SP140: variants seen among roughly 807,000 people sequenced by gnomAD.
SP140 encodes SP140 nuclear body protein, also known as nuclear body protein SP140.
A neutral mutation model predicts 125.0 loss-of-function variants in SP140; 81 were observed. That is an observed-to-expected ratio of 0.65 (90% CI 0.54 to 0.78). The LOEUF (loss-of-function observed/expected upper bound fraction) is 0.78, where lower values mean the gene tolerates loss of function less well. SP140 is among the 30% of genes least tolerant of loss of function. The probability of loss-of-function intolerance (pLI) is 0.00; values close to 1 mark genes in which losing one functional copy is unlikely to be tolerated. For missense variants in SP140, 858 were observed against 1,037.0 expected, an observed-to-expected ratio of 0.83 and a Z score of 2.37; for synonymous variants, 312 against 354.0, an observed-to-expected ratio of 0.88 and a Z score of 1.33.
chr2:230,189,703 A>T, the SP140 span, among the ~76,000 whole-genome samples: 1 of 151,494 alleles, frequency 6.6e-6, no homozygotes, highest in Non-Finnish European at 1.5e-5. Context: ...CACCACCCAC[A>T]CCCCAACAGG....
chr2:230,246,791 A>T (rs1267022110), intron 7 of SP140, among the ~76,000 whole-genome samples: 2 of 152,214 alleles, frequency 1.3e-5, no homozygotes, highest in Non-Finnish European at 2.9e-5. Flanking sequence ...CACAGGAATT[A>T]AAAGGTGGAG....
chr2:230,302,574 C>G lies in SP140; in HGVS notation c.2058+5112C>G, dbSNP rs115768168. 7.5e-3 allele frequency among the ~76,000 whole-genome samples: 1,135 copies of G among 152,326 alleles called. 12 individuals are homozygous for G. Among genetic ancestry groups the G allele is most frequent in the Middle Eastern group, 0.017 (5 of 294 alleles). On this transcript the variant is annotated intron_variant, in intron 22 of 26. Transcript: ENST00000392045. ...GAACAAATGGACTTAACAGATATTA[C>G]AGAACATTCTACCCAACAACTGCAG...
chr2:230,279,787 T>G (rs1360596564), intron 15 of SP140, among the ~76,000 whole-genome samples: 1 of 152,140 alleles, frequency 6.6e-6, no homozygotes, highest in African/African-American at 2.4e-5. Flanking sequence ...TGATCTGTTT[T>G]TTGCTAGTTT....
At chr2:230,190,185 T>C in the SP140 span, among the ~76,000 whole-genome samples, 1 of 152,244 alleles carries the variant, frequency 6.6e-6, no homozygotes, top group Admixed American at 6.5e-5. Flanking sequence ...GTAAAAGTAT[T>C]CCTATTTCTC....
intron 19 of SP140, among the ~76,000 whole-genome samples, chr2:230,291,891 A>G (rs1309146228): frequency 6.6e-6 from 1 of 152,148 alleles, no homozygotes; most frequent in Non-Finnish European, 1.5e-5. Context: ...GAAGGCTCCA[A>G]TTTCTCTACA....
intron 12 of SP140, among the ~76,000 whole-genome samples, chr2:230,258,898 C>CTT (rs1169674950): frequency 1.4e-5 from 2 of 147,526 alleles, no homozygotes; most frequent in African/African-American, 2.5e-5. Flanking sequence ...GCAAGCTGCA[C>CTT]TTTTTTTTTT....
chr2:230,309,012 G>T (rs865807849), intron 22 of SP140, among the ~76,000 whole-genome samples: 1 of 152,144 alleles, frequency 6.6e-6, no homozygotes, highest in African/African-American at 2.4e-5. Context: ...AATTCTGTTG[G>T]TTTTTAATGA....
At chr2:230,207,935 C>T (rs1336651144) in intron 1 of SP140, 1 of 847,026 alleles carries the variant, frequency 1.2e-6, no homozygotes, top group Admixed American at 1.9e-5. Flanking sequence ...GCTTGACCTA[C>T]AAGCCCTGCA....
chr2:230,239,061 G>C (rs1409793052), intron 3 of SP140: 2 of 1,397,442 alleles, frequency 1.4e-6, no homozygotes, highest in Admixed American at 6.0e-5. Flanking sequence ...AGGAATAAAG[G>C]GCATTTAAAC....
chr2:230,305,685 C>T (rs2033158), intron 22 of SP140, among the ~76,000 whole-genome samples: 2,854 of 152,308 alleles, frequency 0.019, 78 homozygotes, highest in African/African-American at 0.064. Context: ...GGCCCGAACG[C>T]GGAGCAGTGG....
chr2:230,294,871 G>T (rs1024239294), intron 21 of SP140, among the ~76,000 whole-genome samples: 7 of 152,146 alleles, frequency 4.6e-5, no homozygotes, highest in African/African-American at 1.7e-4. Flanking sequence ...CCAAAAAAAT[G>T]TACACACAGA....
Position 230,243,730 on chromosome 2 carries a change from G to A in SP140, c.491-1G>A. On this transcript the variant is annotated splice_acceptor_variant, in intron 4 of 26. Transcript: ENST00000392045. LOFTEE classifies it high-confidence loss of function. The stretch of plus-strand genomic sequence containing the variant: ...CTAAGGGATTTCATTCCTTTCGGCA[G>A]AGAACAGCAATGCCTGTCATGAAAT... 3.7e-6 allele frequency: 6 copies of A among 1,610,554 alleles called. No individual in the cohort carries two copies. The highest frequency in any genetic ancestry group is 5.1e-6 in the Non-Finnish European group (6 of 1,177,332).
At chr2:230,259,454 G>T (rs898867308) in intron 12 of SP140, among the ~76,000 whole-genome samples, 4 of 151,808 alleles carry the variant, frequency 2.6e-5, no homozygotes, top group Admixed American at 6.6e-5. Flanking sequence ...GAGATGGATG[G>T]ATCACCTGAG....
At chr2:230,193,159 T>C in the SP140 span, among the ~76,000 whole-genome samples, 2 of 152,186 alleles carry the variant, frequency 1.3e-5, no homozygotes, top group Non-Finnish European at 2.9e-5. Context: ...TTATCTGATA[T>C]GAGAAAAGCT....
At position 230,237,356 on chromosome 2, in the gene SP140, T is replaced by G; in HGVS notation, c.237+96T>G. The G allele has an allele frequency of 1.9e-6, 2 of 1,068,014 alleles. No homozygotes were observed. The highest frequency in any genetic ancestry group is 1.4e-6 in the Non-Finnish European group (1 of 729,254). The allele number at this position is 1,068,014 out of a possible 1,614,324, so 66.2% of individuals were successfully genotyped here. ...AGCAGGCTAAAGGGCCTCCTGTGAGTGGGGACCTTCACCATTCTGTAGGTT... is the reference window on the plus strand; with the variant it reads ...AGCAGGCTAAAGGGCCTCCTGTGAGGGGGGACCTTCACCATTCTGTAGGTT... On this transcript the variant is annotated intron_variant, in intron 2 of 26. Transcript: ENST00000392045. This position sits in a 1 kb window ranked among gnomAD's most constrained non-coding sequence, Gnocchi z 5.4.
At chr2:230,231,460 A>C (rs1343126279) in intron 1 of SP140, among the ~76,000 whole-genome samples, 1 of 152,206 alleles carries the variant, frequency 6.6e-6, no homozygotes, top group African/African-American at 2.4e-5. Flanking sequence ...CAGAGGTGTC[A>C]AATTCCTCTA....
At chr2:230,199,205 CTTTTTTTTTT>C, upstream of SP140, among the ~76,000 whole-genome samples, 1 of 89,448 alleles carries the variant, frequency 1.1e-5, no homozygotes, top group East Asian at 3.8e-4. Context: ...ACATAATCCT[CTTTTTTTTTT>C]TTTTTTTTTT....
chr2:230,236,629 G>C (rs988264756), intron 1 of SP140, among the ~76,000 whole-genome samples: 1 of 152,128 alleles, frequency 6.6e-6, no homozygotes, highest in African/African-American at 2.4e-5. Flanking sequence ...CTTTCAATTG[G>C]TTGGGCAAGC....
At chr2:230,194,893 T>C in the SP140 span, among the ~76,000 whole-genome samples, 2 of 152,142 alleles carry the variant, frequency 1.3e-5, no homozygotes, top group African/African-American at 4.8e-5. Flanking sequence ...TCTTCCTTTG[T>C]TGGGGAGTCT....
Sources: gnomAD v4.1 joint callset for allele counts (sites outside exome capture counted in the v4.1 genomes callset) on GRCh38, gnomAD v4.1.1 for gene constraint, Gnocchi (gnomAD v3.1) non-coding constraint, MANE v1.5 for transcripts, NCBI Gene and HGNC (gene_info 2026-07-23, HGNC 2026-07-21) for gene names.